SLCO1C1: variants seen among roughly 807,000 people sequenced by gnomAD.
SLCO1C1 encodes solute carrier organic anion transporter family member 1C1.
SLCO1C1 carries 70 observed loss-of-function variants against 76.4 expected under a neutral mutation model. The observed-to-expected ratio is 0.92, with a 90% confidence interval of 0.76 to 1.12. The LOEUF (loss-of-function observed/expected upper bound fraction) is 1.12, where lower values mean the gene tolerates loss of function less well. SLCO1C1 is among the 50% of genes most tolerant of loss of function. SLCO1C1 has a pLI of 0.00. For missense variants in SLCO1C1, 912 were observed against 823.8 expected (o/e 1.11, Z -1.31); for synonymous variants, 306 against 286.1 (o/e 1.07, Z -0.70).
intron 14 of SLCO1C1, 76 bp downstream of exon 14, chr12:20,750,868 G>A (rs780318246): frequency 1.4e-5 from 22 of 1,613,606 alleles, no homozygotes; most frequent in Non-Finnish European, 1.7e-5. Flanking sequence ...ACACTAACAA[G>A]TTTTCATGTC....
Position 20,712,107 on chromosome 12 carries a change from T to C in SLCO1C1, c.529+597T>C, listed in dbSNP as rs566474927. 2.0e-5 allele frequency among the ~76,000 whole-genome samples: 3 copies of C among 152,302 alleles called. No homozygotes were observed. In the East Asian group the frequency reaches 5.8e-4, roughly 29 times the overall value. Reference sequence around the variant, plus strand: ...TCAGCATGGGGCTATCTTATGTCCATGTTCATACTTTTTTTTCTCACAGCA... The same window carrying C: ...TCAGCATGGGGCTATCTTATGTCCACGTTCATACTTTTTTTTCTCACAGCA... On this transcript the variant is annotated intron_variant, in intron 5 of 14. Transcript: ENST00000266509.
chr12:20,708,894 G>A (rs1212447121), intron 4 of SLCO1C1, among the ~76,000 whole-genome samples: 1 of 152,198 alleles, frequency 6.6e-6, no homozygotes, highest in Non-Finnish European at 1.5e-5. Context: ...TTGCTGGTCT[G>A]CAGACCATCC....
Position 20,723,294 on chromosome 12 carries a change from T to C in SLCO1C1, c.1186+40T>C, listed in dbSNP as rs934669634. The C allele has an allele frequency of 3.2e-6, 5 of 1,581,378 alleles. No individual in the cohort carries two copies. In the African/African-American group the frequency reaches 5.5e-5, roughly 17 times the overall value. ...CTTTCATGCTTTCTCAGAGGGACTG[T>C]CTTAGAGGTACCTGATTAACTCGGG... On this transcript the variant is annotated intron_variant, in intron 9 of 14. Coordinates refer to ENST00000266509, the MANE Select transcript of SLCO1C1 (RefSeq NM_017435.5).
intron 14 of SLCO1C1, 48 bp from the exon 15 acceptor site, chr12:20,752,258 C>A: frequency 1.6e-6 from 2 of 1,283,118 alleles, no homozygotes; most frequent in South Asian, 1.8e-5. Context: ...AATTTTCTTT[C>A]AAGTTGGTTG....
At chr12:20,706,506 A>G (rs567315195) in intron 4 of SLCO1C1, among the ~76,000 whole-genome samples, 1 of 152,182 alleles carries the variant, frequency 6.6e-6, no homozygotes. Context: ...CAAGTATTCA[A>G]TGTCCATACA....
At chr12:20,749,939 A>T (rs1949218566) in intron 13 of SLCO1C1, among the ~76,000 whole-genome samples, 1 of 152,234 alleles carries the variant, frequency 6.6e-6, no homozygotes, top group Non-Finnish European at 1.5e-5. Context: ...ATTGCTTGGG[A>T]TAAAGGAAAC....
At chr12:20,731,945 C>A (rs1948291105) in intron 9 of SLCO1C1, among the ~76,000 whole-genome samples, 1 of 152,120 alleles carries the variant, frequency 6.6e-6, no homozygotes, top group South Asian at 2.1e-4. Flanking sequence ...CTATTATTAG[C>A]TCCGTATTAT....
At chr12:20,730,326 G>C (rs1948212658) in intron 9 of SLCO1C1, among the ~76,000 whole-genome samples, 2 of 151,992 alleles carry the variant, frequency 1.3e-5, no homozygotes, top group Admixed American at 1.3e-4. Context: ...TGTAAAAGTA[G>C]GCACTTCAAG....
At chr12:20,702,434 T>C (rs538907259) in intron 3 of SLCO1C1, among the ~76,000 whole-genome samples, 96 of 152,070 alleles carry the variant, frequency 6.3e-4, no homozygotes, top group African/African-American at 2.2e-3. Flanking sequence ...CATTTCTTAG[T>C]GCCAAATTTT....
chr12:20,749,355 G>A (rs935274044), intron 13 of SLCO1C1, among the ~76,000 whole-genome samples: 2 of 152,174 alleles, frequency 1.3e-5, no homozygotes, highest in Admixed American at 6.5e-5. Context: ...ATGGACTTGT[G>A]GTGGACTCCA....
intron 13 of SLCO1C1, among the ~76,000 whole-genome samples, chr12:20,748,576 T>C (rs1248506549): frequency 6.6e-6 from 1 of 152,194 alleles, no homozygotes; most frequent in Non-Finnish European, 1.5e-5. Flanking sequence ...ATTATAACAA[T>C]AGTGTCTTCT....
At chr12:20,744,742 C>T (rs7975522) in intron 13 of SLCO1C1, among the ~76,000 whole-genome samples, 4,052 of 152,118 alleles carry the variant, frequency 0.027, 188 homozygotes, top group African/African-American at 0.092. Flanking sequence ...TATAGATTTA[C>T]CTTTTAACCT....
chr12:20,740,369 G>A lies in SLCO1C1; in HGVS notation c.1733+1G>A, dbSNP rs1442751219. 1 of 1,608,312 alleles carries A rather than the reference G, an allele frequency of 6.2e-7. No homozygotes were observed. Among genetic ancestry groups the A allele is most frequent in the Non-Finnish European group, 8.5e-7 (1 of 1,177,538 alleles). On this transcript the variant is annotated splice_donor_variant, in intron 12 of 14. Transcript: ENST00000266509. LOFTEE classifies it high-confidence loss of function. The stretch of plus-strand genomic sequence containing the variant: ...TACCTGGATACATATTACTTCTGAG[G>A]TGAGTACTGATTCTCCCTATTCTAA...
intron 5 of SLCO1C1, among the ~76,000 whole-genome samples, chr12:20,712,477 A>C (rs1555123347): frequency 1.3e-5 from 2 of 152,174 alleles, no homozygotes; most frequent in African/African-American, 2.4e-5. Context: ...TCTAGGACGC[A>C]GTACAGGCAG....
chr12:20,740,778 T>A lies in SLCO1C1; in HGVS notation c.1733+410T>A, dbSNP rs1407017071. On this transcript the variant is annotated intron_variant, in intron 12 of 14. Transcript: ENST00000266509. Reference sequence around the variant, plus strand: ...TCATCTAATACAACAATGTTAGAATTTATTTTATTTATATATATATATATA... The same window carrying A: ...TCATCTAATACAACAATGTTAGAATATATTTTATTTATATATATATATATA... Among the ~76,000 whole-genome samples the A allele has an allele frequency of 4.5e-5, 4 of 89,350 alleles. 1 individual carries two copies. The South Asian group carries it at 1.4e-3, about 32-fold the overall frequency. The allele number at this position is 89,350 out of a possible 152,430, so 58.6% of individuals were successfully genotyped here.
chr12:20,726,417 A>T lies in SLCO1C1; in HGVS notation c.1186+3163A>T, dbSNP rs757284091. On this transcript the variant is annotated intron_variant, in intron 9 of 14. Coordinates refer to ENST00000266509, the MANE Select transcript of SLCO1C1 (RefSeq NM_017435.5). ...CCGACATGTTCAAGGGCCAACTGTT[A>T]CAACGACAACTTAGTCTTCCTGTAC... is the stretch of plus-strand genomic sequence containing the variant. 3.3e-5 allele frequency among the ~76,000 whole-genome samples: 5 copies of T among 152,088 alleles called. No homozygotes were observed. The East Asian group carries it at 9.6e-4, about 29-fold the overall frequency.
At chr12:20,749,245 T>C (rs1423982325) in intron 13 of SLCO1C1, among the ~76,000 whole-genome samples, 1 of 152,216 alleles carries the variant, frequency 6.6e-6, no homozygotes, top group African/African-American at 2.4e-5. Flanking sequence ...AAAGCAATTT[T>C]ATAACAGAAG....
chr12:20,751,847 G>T (rs565668308), intron 14 of SLCO1C1, among the ~76,000 whole-genome samples: 1 of 152,198 alleles, frequency 6.6e-6, no homozygotes, highest in Admixed American at 6.5e-5. Context: ...TTTACTCAGA[G>T]CTCCAATTCC....
intron 12 of SLCO1C1, among the ~76,000 whole-genome samples, chr12:20,743,075 G>A (rs775635158): frequency 6.6e-6 from 1 of 152,086 alleles, no homozygotes; most frequent in Non-Finnish European, 1.5e-5. Context: ...GGCATGTATG[G>A]GTGATGTAGT....
Sources: gnomAD v4.1 joint callset for allele counts (sites outside exome capture counted in the v4.1 genomes callset) on GRCh38, gnomAD v4.1.1 for gene constraint, MANE v1.5 for transcripts, NCBI Gene and HGNC (gene_info 2026-07-23, HGNC 2026-07-21) for gene names.